The following CNTN3 variants were observed in gnomAD, a reference collection of about 807,000 sequenced individuals.
CNTN3 encodes the protein contactin 3.
A neutral mutation model predicts 119.1 loss-of-function variants in CNTN3; 60 were observed. The ratio of observed to expected loss-of-function variants is 0.50; its 90% CI spans 0.41 to 0.62. CNTN3 has a LOEUF of 0.62. Ranked by LOEUF, CNTN3 falls within the 20% of genes least tolerant of loss-of-function variation. The probability of loss-of-function intolerance (pLI) is 0.00; values close to 1 mark genes in which losing one functional copy is unlikely to be tolerated. For missense variants in CNTN3, 1,101 were observed against 1,242.4 expected (o/e 0.89, Z 1.71); for synonymous variants, 450 against 438.7 (o/e 1.03, Z -0.32).
intron 20 of CNTN3, among the ~76,000 whole-genome samples, chr3:74,284,130 CT>C (rs1269641476): frequency 2.6e-5 from 4 of 152,082 alleles, no homozygotes; most frequent in Non-Finnish European, 1.5e-5. Flanking sequence ...GCAGAACTGT[CT>C]TACATTACTT....
At chr3:74,501,218 T>C (rs912025866) in intron 2 of CNTN3, among the ~76,000 whole-genome samples, 2 of 151,798 alleles carry the variant, frequency 1.3e-5, no homozygotes, top group African/African-American at 4.8e-5. Context: ...ACCATGTGAT[T>C]AAGGGTGAGA....
At chr3:74,410,142 T>A (rs1343945383) in intron 5 of CNTN3, among the ~76,000 whole-genome samples, 2 of 152,186 alleles carry the variant, frequency 1.3e-5, no homozygotes, top group Non-Finnish European at 2.9e-5. Context: ...TATCCATATC[T>A]TGTTCTAATA....
intron 1 of CNTN3, among the ~76,000 whole-genome samples, chr3:74,539,674 G>A (rs1703814398): frequency 6.6e-6 from 1 of 152,108 alleles, no homozygotes; most frequent in African/African-American, 2.4e-5. Flanking sequence ...TCTGTTAAGT[G>A]CTGGTTATCC....
intron 2 of CNTN3, among the ~76,000 whole-genome samples, chr3:74,519,754 A>G (rs1427632798): frequency 6.6e-6 from 1 of 151,686 alleles, no homozygotes; most frequent in African/African-American, 2.4e-5. Context: ...AAAGTCAGAA[A>G]TTTTTAAACA....
chr3:74,267,384 A>G lies in CNTN3; in HGVS notation c.2705-6T>C, dbSNP rs1317125534. ...TCCTGGTGGCTGACTGGGAGCTTGA[A>G]ATGCAAAATGAGAAATTTTAAAACA... On this transcript the variant is annotated splice_polypyrimidine_tract_variant and splice_region_variant and intron_variant, in intron 20 of 22. Coordinates refer to ENST00000263665, the MANE Select transcript of CNTN3 (RefSeq NM_020872.3). 6.3e-7 allele frequency: 1 copy of G among 1,589,680 alleles called. No individual in the cohort carries two copies. Among genetic ancestry groups the G allele is most frequent in the Non-Finnish European group, 8.6e-7 (1 of 1,158,052 alleles).
rs11920158 is a variant in CNTN3, at chr3:74,346,421, A to G, written c.1365-9763T>C. Among the ~76,000 whole-genome samples, 393 of 152,170 alleles carry G rather than the reference A, an allele frequency of 2.6e-3. 1 individual carries two copies. The highest frequency in any genetic ancestry group is 8.9e-3 in the African/African-American group (368 of 41,518). ...ATATATTTTTAGAATTTCAGACTCA[A>G]AAAGGGTCAGATACTCTCATCTTCC... On this transcript the variant is annotated intron_variant, in intron 11 of 22. Transcript: ENST00000263665.
chr3:74,434,933 C>T (rs541378114), intron 4 of CNTN3, among the ~76,000 whole-genome samples: 21 of 152,202 alleles, frequency 1.4e-4, no homozygotes, highest in Admixed American at 3.3e-4. Flanking sequence ...TGTCCAATTG[C>T]CATCTCATAT....
At chr3:74,420,045 T>C (rs963571680) in intron 5 of CNTN3, among the ~76,000 whole-genome samples, 3 of 152,232 alleles carry the variant, frequency 2.0e-5, no homozygotes, top group African/African-American at 7.2e-5. Context: ...CCTAGTTTTC[T>C]GACAAACTTT....
intron 5 of CNTN3, among the ~76,000 whole-genome samples, chr3:74,378,928 C>T (rs1298425702): frequency 6.6e-6 from 1 of 152,070 alleles, no homozygotes. Context: ...GACTTTGGTA[C>T]TCACTATTTC....
At chr3:74,393,076 A>G (rs1420022292) in intron 5 of CNTN3, among the ~76,000 whole-genome samples, 4 of 152,332 alleles carry the variant, frequency 2.6e-5, no homozygotes, top group African/African-American at 9.6e-5. Context: ...TAACTTGGGT[A>G]CAACACTCCA....
intron 11 of CNTN3, among the ~76,000 whole-genome samples, chr3:74,351,976 G>A (rs1703826550): frequency 6.6e-6 from 1 of 152,148 alleles, no homozygotes; most frequent in South Asian, 2.1e-4. Context: ...GAAGGAAGCT[G>A]TGCTCTACTC....
At chr3:74,516,207 G>GACAACATGTTAATATATGT (rs1703448067) in intron 2 of CNTN3, among the ~76,000 whole-genome samples, 1 of 144,350 alleles carries the variant, frequency 6.9e-6, no homozygotes, top group African/African-American at 2.9e-5. Flanking sequence ...ACATGGGCAG[G>GACAACATGTTAATATATGT]CCTGGAATGC....
intron 20 of CNTN3, among the ~76,000 whole-genome samples, chr3:74,282,518 G>C (rs550118997): frequency 6.6e-6 from 1 of 152,110 alleles, no homozygotes; most frequent in African/African-American, 2.4e-5. Flanking sequence ...TTTGTGCTGG[G>C]CACTGTGGCT....
intron 5 of CNTN3, among the ~76,000 whole-genome samples, chr3:74,385,869 T>A (rs1704734206): frequency 6.6e-6 from 1 of 152,236 alleles, no homozygotes; most frequent in Non-Finnish European, 1.5e-5. Flanking sequence ...CCTGAATTCA[T>A]CATAACTTTT....
chr3:74,322,584 C>T (rs559995705), intron 13 of CNTN3, among the ~76,000 whole-genome samples: 2 of 152,300 alleles, frequency 1.3e-5, no homozygotes, highest in East Asian at 3.9e-4. Flanking sequence ...GACAGTCCAG[C>T]AGTTTCTTAC....
intron 4 of CNTN3, among the ~76,000 whole-genome samples, chr3:74,481,769 T>C (rs1702768626): frequency 6.6e-6 from 1 of 151,812 alleles, no homozygotes. Context: ...AAACAGAGTG[T>C]AGAAATTTGA....
intron 1 of CNTN3, among the ~76,000 whole-genome samples, chr3:74,595,393 C>G (rs1176482700): frequency 6.6e-6 from 1 of 151,832 alleles, no homozygotes; most frequent in Non-Finnish European, 1.5e-5. Flanking sequence ...AATGGTAATG[C>G]CTAGGTTTTC....
chr3:74,590,312 T>C (rs1446442155), intron 1 of CNTN3, among the ~76,000 whole-genome samples: 2 of 151,984 alleles, frequency 1.3e-5, no homozygotes, highest in Admixed American at 6.6e-5. Context: ...AGGACAGAAC[T>C]ATATTCATGT....
At chr3:74,611,079 G>A (rs984479929) in intron 1 of CNTN3, among the ~76,000 whole-genome samples, 1 of 152,114 alleles carries the variant, frequency 6.6e-6, no homozygotes, top group African/African-American at 2.4e-5. Context: ...TTTACAAGCT[G>A]AGTTATAAAG....
Sources: allele counts gnomAD v4.1 joint callset (sites outside exome capture counted in the v4.1 genomes callset), GRCh38; gene constraint gnomAD v4.1.1; transcripts MANE v1.5; gene names NCBI Gene and HGNC (gene_info 2026-07-23, HGNC 2026-07-21).